Variants in GRIP1 observed in about 807,000 individuals in gnomAD.
The protein encoded by GRIP1 is glutamate receptor interacting protein 1, also known as glutamate receptor-interacting protein 1.
In GRIP1, 45 loss-of-function variants were observed where a neutral mutation model predicts 129.9. The observed-to-expected ratio is 0.35, with a 90% confidence interval of 0.27 to 0.44. GRIP1 has a LOEUF of 0.44. Ranked by LOEUF, GRIP1 falls within the 20% of genes least tolerant of loss-of-function variation. GRIP1 has a pLI of 1.00. For synonymous variants in GRIP1, 530 were observed against 520.8 expected (o/e 1.02, Z -0.24); for missense variants, 1,196 against 1,396.8 (o/e 0.86, Z 2.29).
intron 2 of GRIP1, among the ~76,000 whole-genome samples, chr12:66,572,445 A>G (rs1027412788): frequency 2.0e-5 from 3 of 152,192 alleles, no homozygotes; most frequent in Non-Finnish European, 4.4e-5. Context: ...AAGCATGGCT[A>G]TTCTATGAGG....
intron 23 of GRIP1, among the ~76,000 whole-genome samples, chr12:66,363,484 C>T (rs981980112): frequency 6.7e-6 from 1 of 150,258 alleles, no homozygotes; most frequent in Non-Finnish European, 1.5e-5. Flanking sequence ...CTTGTGGGCT[C>T]AAGTGATCCT....
chr12:67,048,319 T>C (rs1395577492), intron 1 of GRIP1, among the ~76,000 whole-genome samples: 3 of 152,168 alleles, frequency 2.0e-5, no homozygotes, highest in Non-Finnish European at 4.4e-5. Flanking sequence ...AAGTACAGAT[T>C]AGGAAGAAAG....
intron 1 of GRIP1, among the ~76,000 whole-genome samples, chr12:66,834,171 T>G (rs2039568025): frequency 1.1e-5 from 1 of 92,190 alleles, no homozygotes; most frequent in Non-Finnish European, 2.1e-5. Context: ...CAGCGAGACT[T>G]CATCTCAAAA....
chr12:66,541,023 C>A (rs934608807), intron 3 of GRIP1, among the ~76,000 whole-genome samples: 1 of 151,392 alleles, frequency 6.6e-6, no homozygotes, highest in Non-Finnish European at 1.5e-5. Flanking sequence ...CCATGTTGGT[C>A]AAGCTGGTCT....
At chr12:66,830,323 C>T (rs12306499) in intron 1 of GRIP1, among the ~76,000 whole-genome samples, 24,526 of 151,960 alleles carry the variant, frequency 0.16, 2,133 homozygotes, top group East Asian at 0.37. Flanking sequence ...TCCTGGATTA[C>T]CTAGATGGGC....
intron 1 of GRIP1, among the ~76,000 whole-genome samples, chr12:66,685,985 T>C (rs1379251825): frequency 6.6e-6 from 1 of 152,176 alleles, no homozygotes; most frequent in African/African-American, 2.4e-5. Context: ...TGTGAAAGGA[T>C]TTCCCTTCTA....
At chr12:66,695,721 A>G (rs1444666205) in intron 1 of GRIP1, among the ~76,000 whole-genome samples, 1 of 152,228 alleles carries the variant, frequency 6.6e-6, no homozygotes, top group Non-Finnish European at 1.5e-5. Context: ...TGGAATAAAA[A>G]TATCACTTAA....
At chr12:66,948,310 T>C (rs754589344) in intron 1 of GRIP1, among the ~76,000 whole-genome samples, 1 of 152,242 alleles carries the variant, frequency 6.6e-6, no homozygotes, top group Non-Finnish European at 1.5e-5. Flanking sequence ...TTGTTAGATA[T>C]CCATTTGTTC....
chr12:66,488,226 G>C (rs2060009141), intron 7 of GRIP1, among the ~76,000 whole-genome samples: 2 of 152,146 alleles, frequency 1.3e-5, no homozygotes, highest in Admixed American at 1.3e-4. Context: ...TACATAATTG[G>C]AAGTAAAACA....
At chr12:66,629,294 A>T (rs2030470807) in intron 1 of GRIP1, among the ~76,000 whole-genome samples, 1 of 152,232 alleles carries the variant, frequency 6.6e-6, no homozygotes, top group Non-Finnish European at 1.5e-5. Context: ...CACACTTTGC[A>T]GCACATAGTG....
chr12:66,929,907 T>C (rs1222834180), intron 1 of GRIP1, among the ~76,000 whole-genome samples: 2 of 152,200 alleles, frequency 1.3e-5, no homozygotes, highest in African/African-American at 2.4e-5. Context: ...ATCCTACTTA[T>C]GATTGACTAC....
intron 1 of GRIP1, among the ~76,000 whole-genome samples, chr12:67,054,802 T>C (rs1462819258): frequency 6.9e-6 from 1 of 145,536 alleles, no homozygotes; most frequent in Non-Finnish European, 1.5e-5. Context: ...TACTCCAATA[T>C]GTAGAAATCA....
intron 2 of GRIP1, among the ~76,000 whole-genome samples, chr12:66,577,825 T>G (rs1221267287): frequency 6.6e-6 from 1 of 152,086 alleles, no homozygotes; most frequent in Admixed American, 6.6e-5. Flanking sequence ...CATAGTGGCA[T>G]GTGCCTGTGG....
At chr12:66,977,446 A>G (rs1007472691) in intron 1 of GRIP1, among the ~76,000 whole-genome samples, 1 of 152,158 alleles carries the variant, frequency 6.6e-6, no homozygotes, top group African/African-American at 2.4e-5. Context: ...AGAAAAGTGT[A>G]CAAATGATTA....
At chr12:66,515,798 T>C (rs766783978) in intron 6 of GRIP1, 34 bp from the exon 7 acceptor site, 1 of 1,591,676 alleles carries the variant, frequency 6.3e-7, no homozygotes, top group African/African-American at 1.3e-5. Context: ...TCTTGATTAA[T>C]TTAGCATAAT....
At chr12:66,811,632 T>C (rs1180970876) in intron 1 of GRIP1, among the ~76,000 whole-genome samples, 1 of 152,084 alleles carries the variant, frequency 6.6e-6, no homozygotes, top group Non-Finnish European at 1.5e-5. Context: ...CTCTCTCCTC[T>C]CTTCCTCCTT....
At chr12:67,016,573 T>C (rs947683354) in intron 1 of GRIP1, among the ~76,000 whole-genome samples, 2 of 152,134 alleles carry the variant, frequency 1.3e-5, no homozygotes, top group African/African-American at 4.8e-5. Flanking sequence ...AGACTTTATC[T>C]AGTTACTTCT....
At chr12:66,601,586 CT>C (rs2064281000) in intron 1 of GRIP1, among the ~76,000 whole-genome samples, 1 of 152,132 alleles carries the variant, frequency 6.6e-6, no homozygotes, top group Non-Finnish European at 1.5e-5. Flanking sequence ...TCGTCCTATG[CT>C]AAACAATTCC....
chr12:66,814,198 T>C (rs1167338511), intron 1 of GRIP1, among the ~76,000 whole-genome samples: 1 of 152,100 alleles, frequency 6.6e-6, no homozygotes, highest in Non-Finnish European at 1.5e-5. Context: ...TGTGCAACTG[T>C]GAGCAAGTTA....
Sources: allele counts gnomAD v4.1 joint callset (sites outside exome capture counted in the v4.1 genomes callset), GRCh38; gene constraint gnomAD v4.1.1; transcripts MANE v1.5; gene names NCBI Gene and HGNC (gene_info 2026-07-23, HGNC 2026-07-21).